Variants in XXYLT1 observed in about 807,000 individuals in gnomAD.
XXYLT1 encodes UDP-xylose:alpha-xyloside alpha-1,3-xylosyltransferase.
In XXYLT1, 20 loss-of-function variants were observed where a neutral mutation model predicts 28.9. That is an observed-to-expected ratio of 0.69 (90% CI 0.49 to 1.00). The LOEUF (loss-of-function observed/expected upper bound fraction) is 1.00, where lower values mean the gene tolerates loss of function less well. Ranked by LOEUF, XXYLT1 falls within the 50% of genes least tolerant of loss-of-function variation. The probability of loss-of-function intolerance (pLI) is 0.00; values close to 1 mark genes in which losing one functional copy is unlikely to be tolerated. For missense variants in XXYLT1, 542 were observed against 560.1 expected, an observed-to-expected ratio of 0.97 and a Z score of 0.33; for synonymous variants, 257 against 253.8, an observed-to-expected ratio of 1.01 and a Z score of -0.12.
intron 3 of XXYLT1, among the ~76,000 whole-genome samples, chr3:195,120,535 T>C (rs114312804): frequency 6.3e-4 from 96 of 152,278 alleles, no homozygotes; most frequent in Non-Finnish European, 1.1e-3. Flanking sequence ...TGGCACAGGG[T>C]GCACCCCAAT....
At chr3:195,122,778 A>ACGCTCC (rs1357930852) in intron 3 of XXYLT1, among the ~76,000 whole-genome samples, 2 of 152,334 alleles carry the variant, frequency 1.3e-5, no homozygotes, top group East Asian at 3.9e-4. Context: ...CGGGGGCGAC[A>ACGCTCC]CGCTCCCCTT....
intron 2 of XXYLT1, among the ~76,000 whole-genome samples, chr3:195,224,458 T>C (rs1723962792): frequency 6.6e-6 from 1 of 152,188 alleles, no homozygotes; most frequent in Non-Finnish European, 1.5e-5. Flanking sequence ...CCTGGCATAA[T>C]TCTCACCCTC....
chr3:195,192,312 C>T (rs1394159054), intron 2 of XXYLT1, among the ~76,000 whole-genome samples: 1 of 151,962 alleles, frequency 6.6e-6, no homozygotes, highest in African/African-American at 2.4e-5. Flanking sequence ...GTAGTCCCAG[C>T]TACTTGGGAG....
chr3:195,105,770 T>A (rs576207540), intron 3 of XXYLT1, among the ~76,000 whole-genome samples: 5 of 152,318 alleles, frequency 3.3e-5, no homozygotes, highest in African/African-American at 1.2e-4. Flanking sequence ...GCCCCCCAGG[T>A]CATTTTCCCA....
intron 1 of XXYLT1, among the ~76,000 whole-genome samples, chr3:195,262,800 T>C (rs990025409): frequency 6.6e-6 from 1 of 152,240 alleles, no homozygotes; most frequent in Admixed American, 6.5e-5. Context: ...ATAAGAAACA[T>C]ACATTGGTAC....
intron 3 of XXYLT1, among the ~76,000 whole-genome samples, chr3:195,154,740 C>G (rs189188809): frequency 1.8e-4 from 27 of 152,332 alleles, no homozygotes; most frequent in Non-Finnish European, 3.8e-4. Flanking sequence ...GGCCCTCTCC[C>G]AAGTGTACTT....
chr3:195,165,948 T>A (rs1285116921), intron 2 of XXYLT1, among the ~76,000 whole-genome samples: 1 of 152,170 alleles, frequency 6.6e-6, no homozygotes, highest in Non-Finnish European at 1.5e-5. Context: ...AGCTGCCTCC[T>A]CCCTGACAGG....
intron 3 of XXYLT1, among the ~76,000 whole-genome samples, chr3:195,147,437 G>C (rs1364719752): frequency 6.6e-6 from 1 of 152,022 alleles, no homozygotes; most frequent in Non-Finnish European, 1.5e-5. Context: ...AGGCATGGTG[G>C]TCAGCGCCTG....
At chr3:195,151,594 G>C (rs1720258840) in intron 3 of XXYLT1, among the ~76,000 whole-genome samples, 3 of 151,692 alleles carry the variant, frequency 2.0e-5, no homozygotes, top group African/African-American at 7.3e-5. Context: ...CAATTATTTA[G>C]TATAAATAAT....
chr3:195,164,851 T>C (rs1721037216), intron 2 of XXYLT1, among the ~76,000 whole-genome samples: 1 of 151,978 alleles, frequency 6.6e-6, no homozygotes, highest in Non-Finnish European at 1.5e-5. Context: ...CACAAATTAG[T>C]TAGTGCTGAA....
At chr3:195,232,713 T>G (rs949370202) in intron 1 of XXYLT1, among the ~76,000 whole-genome samples, 1 of 152,224 alleles carries the variant, frequency 6.6e-6, no homozygotes, top group African/African-American at 2.4e-5. Flanking sequence ...TATTAATTTC[T>G]AGTTTTATTC....
rs1168593382 is a variant in XXYLT1, at chr3:195,115,862, C to T, written c.785+40587G>A. 2.0e-5 allele frequency among the ~76,000 whole-genome samples: 3 copies of T among 152,048 alleles called. No individual in the cohort carries two copies. The highest frequency in any genetic ancestry group is 4.4e-5 in the Non-Finnish European group (3 of 68,024). On this transcript the variant is annotated intron_variant, in intron 3 of 3. Coordinates refer to ENST00000310380, the MANE Select transcript of XXYLT1 (RefSeq NM_152531.5). The surrounding 1 kb of genome is among the most constrained non-coding windows in gnomAD (Gnocchi z 4.2). ...GGCAGCTCTGTATGAAAACTGGAGGCGCTGAGGCTGTCCTCAGGCTCAGGA... is the reference window on the plus strand; with the variant it reads ...GGCAGCTCTGTATGAAAACTGGAGGTGCTGAGGCTGTCCTCAGGCTCAGGA...
chr3:195,223,022 G>A (rs1310780728), intron 2 of XXYLT1, among the ~76,000 whole-genome samples: 5 of 150,996 alleles, frequency 3.3e-5, no homozygotes, highest in African/African-American at 9.8e-5. Flanking sequence ...TCAGGAGTTC[G>A]AAACCAGCCT....
intron 2 of XXYLT1, among the ~76,000 whole-genome samples, chr3:195,223,202 C>CG (rs1441064644): frequency 1.3e-5 from 2 of 152,080 alleles, no homozygotes; most frequent in Admixed American, 6.6e-5. Context: ...CACTGCACTC[C>CG]AGCCTGGGCG....
Position 195,168,675 on chromosome 3 carries a change from C to A in XXYLT1, c.653-12094G>T, listed in dbSNP as rs1721249042. On this transcript the variant is annotated intron_variant, in intron 2 of 3. Coordinates refer to ENST00000310380, the MANE Select transcript of XXYLT1 (RefSeq NM_152531.5). The surrounding 1 kb of genome is among the most constrained non-coding windows in gnomAD (Gnocchi z 4.3). The stretch of plus-strand genomic sequence containing the variant: ...CAGCTCCCCTCTCTTCTGCAACATT[C>A]CTCATGATCATTAAATATCACCATA... Among the ~76,000 whole-genome samples, 1 of 152,250 alleles carries A rather than the reference C, an allele frequency of 6.6e-6. No individual in the cohort carries two copies. Among genetic ancestry groups the A allele is most frequent in the South Asian group, 2.1e-4 (1 of 4,836 alleles).
chr3:195,189,432 G>T (rs1380945690), intron 2 of XXYLT1, among the ~76,000 whole-genome samples: 1 of 152,002 alleles, frequency 6.6e-6, no homozygotes, highest in Non-Finnish European at 1.5e-5. Flanking sequence ...CAACAAAAAA[G>T]GAATTATAAG....
chr3:195,163,303 C>A (rs1436321009), intron 2 of XXYLT1, among the ~76,000 whole-genome samples: 1 of 152,152 alleles, frequency 6.6e-6, no homozygotes, highest in African/African-American at 2.4e-5. Flanking sequence ...ACCTTCCAAC[C>A]ACTCTCTCCC....
At position 195,195,472 on chromosome 3, in the gene XXYLT1, G is replaced by T. The variant is rs1267953366; in HGVS notation, c.652+31237C>A. On this transcript the variant is annotated intron_variant, in intron 2 of 3. Coordinates refer to ENST00000310380, the MANE Select transcript of XXYLT1 (RefSeq NM_152531.5). The surrounding 1 kb of genome is among the most constrained non-coding windows in gnomAD (Gnocchi z 4.4). ...TCAGAAGTCCCACTGAGAAGTGGCC[G>T]CAGTTCTTCCACTGGACAGAGCCTC... Among the ~76,000 whole-genome samples the T allele has an allele frequency of 6.6e-6, 1 of 152,158 alleles. No individual in the cohort carries two copies. Among genetic ancestry groups the T allele is most frequent in the African/African-American group, 2.4e-5 (1 of 41,428 alleles).
intron 3 of XXYLT1, among the ~76,000 whole-genome samples, chr3:195,131,084 GAC>G (rs58120378): frequency 0.22 from 34,131 of 152,002 alleles, 4,852 homozygotes; most frequent in East Asian, 0.41. Context: ...TCAGAAATGG[GAC>G]CCAAACAGTG....
Sources: allele counts gnomAD v4.1 joint callset (sites outside exome capture counted in the v4.1 genomes callset), GRCh38; gene constraint gnomAD v4.1.1; non-coding constraint Gnocchi (gnomAD v3.1); transcripts MANE v1.5; gene names NCBI Gene and HGNC (gene_info 2026-07-23, HGNC 2026-07-21).